The following PDE8B variants were observed in gnomAD, a reference collection of about 807,000 sequenced individuals.
PDE8B encodes high affinity cAMP-specific and IBMX-insensitive 3',5'-cyclic phosphodiesterase 8B.
In PDE8B, 26 loss-of-function variants were observed where a neutral mutation model predicts 101.3. The ratio of observed to expected loss-of-function variants is 0.26; its 90% CI spans 0.19 to 0.36. The LOEUF (loss-of-function observed/expected upper bound fraction) is 0.36, where lower values mean the gene tolerates loss of function less well. Ranked by LOEUF, PDE8B falls within the 10% of genes least tolerant of loss-of-function variation. The pLI, the probability that PDE8B is intolerant of heterozygous loss-of-function variation, is 1.00. For synonymous variants in PDE8B, 424 were observed against 429.3 expected, an observed-to-expected ratio of 0.99 and a Z score of 0.15; for missense variants, 810 against 1,163.1, an observed-to-expected ratio of 0.70 and a Z score of 4.42.
At chr5:77,408,311 T>G (rs1363244645) in intron 13 of PDE8B, among the ~76,000 whole-genome samples, 2 of 152,148 alleles carry the variant, frequency 1.3e-5, no homozygotes, top group Non-Finnish European at 1.5e-5. Flanking sequence ...GAAAATGACA[T>G]GAGATAGAAG....
intron 1 of PDE8B, among the ~76,000 whole-genome samples, chr5:77,292,847 T>C (rs1045685362): frequency 7.2e-5 from 11 of 152,174 alleles, no homozygotes; most frequent in Non-Finnish European, 1.3e-4. Context: ...TTTAATATGT[T>C]TTTCTTACTA....
the PDE8B span, among the ~76,000 whole-genome samples, chr5:77,160,625 C>T: frequency 5.9e-5 from 9 of 151,938 alleles, no homozygotes; most frequent in South Asian, 4.2e-4. Context: ...AATTATTTAA[C>T]GGTATGTATA....
chr5:77,174,787 A>G, the PDE8B span, among the ~76,000 whole-genome samples: 1 of 152,016 alleles, frequency 6.6e-6, no homozygotes, highest in Non-Finnish European at 1.5e-5. Flanking sequence ...CCACCACCTT[A>G]GGTGACCTCA....
chr5:77,357,329 G>T (rs138455783), intron 10 of PDE8B, among the ~76,000 whole-genome samples: 1 of 152,160 alleles, frequency 6.6e-6, no homozygotes, highest in Non-Finnish European at 1.5e-5. Flanking sequence ...TTCTCAAAGA[G>T]ACCACACATG....
At chr5:77,411,331 C>G (rs1049685178) in intron 14 of PDE8B, among the ~76,000 whole-genome samples, 3 of 152,170 alleles carry the variant, frequency 2.0e-5, no homozygotes, top group African/African-American at 4.8e-5. Flanking sequence ...GGGATCCCGT[C>G]AAGATCTGAA....
chr5:77,260,233 A>G (rs540468974), intron 1 of PDE8B, among the ~76,000 whole-genome samples: 8 of 152,248 alleles, frequency 5.3e-5, no homozygotes, highest in Middle Eastern at 3.4e-3. Context: ...GATGAAATAA[A>G]AAACACCAGC....
intron 2 of PDE8B, among the ~76,000 whole-genome samples, chr5:77,322,165 A>G (rs934483017): frequency 6.6e-6 from 1 of 152,026 alleles, no homozygotes; most frequent in Non-Finnish European, 1.5e-5. Context: ...TAGGGTGATT[A>G]GGGTTGGGGA....
At chr5:77,414,893 CATTG>C (rs1795231642) in intron 17 of PDE8B, among the ~76,000 whole-genome samples, 1 of 152,142 alleles carries the variant, frequency 6.6e-6, no homozygotes, top group South Asian at 2.1e-4. Flanking sequence ...TCTAGGAAAA[CATTG>C]ATTAAATTTT....
intron 1 of PDE8B, among the ~76,000 whole-genome samples, chr5:77,248,331 C>T (rs1409742471): frequency 1.3e-5 from 2 of 152,136 alleles, no homozygotes; most frequent in African/African-American, 2.4e-5. Flanking sequence ...TGCCAAGGTG[C>T]GGATGAATCA....
At chr5:77,173,832 C>T in the PDE8B span, among the ~76,000 whole-genome samples, 1 of 151,902 alleles carries the variant, frequency 6.6e-6, no homozygotes. Flanking sequence ...GGTGGTGGTG[C>T]GTGGCATGCG....
At chr5:77,383,468 AT>A (rs1431460154) in intron 10 of PDE8B, among the ~76,000 whole-genome samples, 1 of 152,102 alleles carries the variant, frequency 6.6e-6, no homozygotes, top group African/African-American at 2.4e-5. Flanking sequence ...TTTTGTTGCC[AT>A]TGTTTTTGAC....
intron 2 of PDE8B, among the ~76,000 whole-genome samples, chr5:77,317,968 AT>A (rs1321507547): frequency 7.0e-6 from 1 of 142,924 alleles, no homozygotes; most frequent in Non-Finnish European, 1.5e-5. Context: ...GAGGCAGAGA[AT>A]TGCTTGAACC....
At chr5:77,413,443 A>G (rs335616) in intron 17 of PDE8B, 134 bp downstream of exon 17, 595,293 of 734,462 alleles carry the variant, frequency 0.81, 242,550 homozygotes, top group African/African-American at 0.93. Flanking sequence ...TTTTGTTACC[A>G]AATTGACTAG....
intron 1 of PDE8B, among the ~76,000 whole-genome samples, chr5:77,214,872 C>A (rs1050567364): frequency 1.3e-5 from 2 of 152,012 alleles, no homozygotes; most frequent in African/African-American, 4.8e-5. Context: ...CCAGGAGATG[C>A]TAGTGTTGCT....
At chr5:77,277,014 G>T (rs745339633) in intron 1 of PDE8B, among the ~76,000 whole-genome samples, 37 of 152,224 alleles carry the variant, frequency 2.4e-4, no homozygotes, top group South Asian at 2.3e-3. Context: ...TCAAAAGCAG[G>T]ATAAGACAGT....
chr5:77,419,423 C>T (rs1796182771), intron 18 of PDE8B, among the ~76,000 whole-genome samples: 1 of 152,190 alleles, frequency 6.6e-6, no homozygotes, highest in Admixed American at 6.5e-5. Context: ...ATGTGGCTGC[C>T]GTGCCAGCCT....
At chr5:77,372,248 GCTTT>G (rs760205026) in intron 10 of PDE8B, among the ~76,000 whole-genome samples, 4 of 149,732 alleles carry the variant, frequency 2.7e-5, no homozygotes, top group Non-Finnish European at 4.4e-5. Context: ...TTTAAAATTA[GCTTT>G]CTACTTGTGA....
intron 1 of PDE8B, chr5:77,290,423 C>A: frequency 7.0e-7 from 1 of 1,431,776 alleles, no homozygotes; most frequent in African/African-American, 1.4e-5. Flanking sequence ...TAGCAAGAGT[C>A]CGACAGGCCA....
chr5:77,300,615 T>C lies in PDE8B; in HGVS notation c.340-11379T>C, dbSNP rs567502342. On this transcript the variant is annotated intron_variant, in intron 1 of 21. Coordinates refer to ENST00000264917, the MANE Select transcript of PDE8B (RefSeq NM_003719.5). ...TGGGTGTTGCCTCGTTGGCTTTTGATGTAAAACATAGTGGCCCCAGAGGGT... is the reference window on the plus strand; with the variant it reads ...TGGGTGTTGCCTCGTTGGCTTTTGACGTAAAACATAGTGGCCCCAGAGGGT... 2.0e-5 allele frequency among the ~76,000 whole-genome samples: 3 copies of C among 152,348 alleles called. No individual in the cohort carries two copies. In the South Asian group the frequency reaches 6.2e-4, roughly 32 times the overall value.
Sources: allele counts gnomAD v4.1 joint callset (sites outside exome capture counted in the v4.1 genomes callset), GRCh38; gene constraint gnomAD v4.1.1; transcripts MANE v1.5; gene names NCBI Gene and HGNC (gene_info 2026-07-23, HGNC 2026-07-21).